SLC24A2: variants seen among roughly 807,000 people sequenced by gnomAD.
SLC24A2 encodes sodium/potassium/calcium exchanger 2.
In SLC24A2, 36 loss-of-function variants were observed where a neutral mutation model predicts 62.0. That is an observed-to-expected ratio of 0.58 (90% CI 0.44 to 0.77). The LOEUF (loss-of-function observed/expected upper bound fraction) is 0.77. Ranked by LOEUF, SLC24A2 falls within the 30% of genes least tolerant of loss-of-function variation. The pLI is 0.00. For missense variants in SLC24A2, 846 were observed against 817.9 expected (o/e 1.03, Z -0.42); for synonymous variants, 358 against 294.0 (o/e 1.22, Z -2.23).
At chr9:19,876,638 G>A in the SLC24A2 span, among the ~76,000 whole-genome samples, 1 of 152,132 alleles carries the variant, frequency 6.6e-6, no homozygotes, top group Admixed American at 6.5e-5. Flanking sequence ...AAAGCTTGTT[G>A]CTATGTTAAC....
the SLC24A2 span, among the ~76,000 whole-genome samples, chr9:20,159,066 T>C: frequency 6.6e-6 from 1 of 151,638 alleles, no homozygotes; most frequent in Non-Finnish European, 1.5e-5. Context: ...AAACAAAATA[T>C]GGCCACTGAG....
chr9:20,120,181 T>G, the SLC24A2 span, among the ~76,000 whole-genome samples: 4 of 152,332 alleles, frequency 2.6e-5, no homozygotes, highest in East Asian at 7.7e-4. Context: ...TCCACTGTTT[T>G]GAAAAATAGA....
At chr9:19,937,990 A>C in the SLC24A2 span, among the ~76,000 whole-genome samples, 2 of 152,246 alleles carry the variant, frequency 1.3e-5, no homozygotes, top group Non-Finnish European at 2.9e-5. Flanking sequence ...AAAACAGAAC[A>C]GTATAAAAAC....
intron 2 of SLC24A2, among the ~76,000 whole-genome samples, chr9:19,671,334 T>C (rs1211878641): frequency 3.9e-5 from 6 of 152,026 alleles, no homozygotes; most frequent in Non-Finnish European, 5.9e-5. Flanking sequence ...AGGGGTTGAG[T>C]TCTTGATTTG....
intron 1 of SLC24A2, chr9:19,788,470 G>A (rs1375193882): frequency 2.0e-6 from 2 of 980,860 alleles, no homozygotes; most frequent in Non-Finnish European, 2.4e-6. Flanking sequence ...TTTGCCTTGC[G>A]TGGTCCCAAA....
chr9:19,971,762 A>AATG, the SLC24A2 span, among the ~76,000 whole-genome samples: 18 of 151,918 alleles, frequency 1.2e-4, no homozygotes, highest in African/African-American at 3.1e-4. Flanking sequence ...TCACTTTGGT[A>AATG]ATGATGATGA....
At chr9:19,766,998 G>A (rs1822536626) in intron 2 of SLC24A2, among the ~76,000 whole-genome samples, 1 of 152,200 alleles carries the variant, frequency 6.6e-6, no homozygotes, top group African/African-American at 2.4e-5. Context: ...TGCCCAGAGA[G>A]GAGTAATATA....
chr9:19,923,442 C>G, the SLC24A2 span, among the ~76,000 whole-genome samples: 1 of 152,144 alleles, frequency 6.6e-6, no homozygotes, highest in African/African-American at 2.4e-5. Flanking sequence ...TGAGGAAAAG[C>G]AGCCACCCCT....
chr9:20,173,556 A>T, the SLC24A2 span, among the ~76,000 whole-genome samples: 1 of 152,128 alleles, frequency 6.6e-6, no homozygotes, highest in Admixed American at 6.6e-5. Context: ...CTGAGAATCA[A>T]ATTAAGAACT....
the SLC24A2 span, among the ~76,000 whole-genome samples, chr9:20,248,298 C>T: frequency 1.3e-5 from 2 of 152,198 alleles, no homozygotes; most frequent in Non-Finnish European, 2.9e-5. Flanking sequence ...AAGGCCCTAA[C>T]AGGTACTAAA....
chr9:19,565,978 A>G (rs1224305252), intron 7 of SLC24A2, among the ~76,000 whole-genome samples: 1 of 151,900 alleles, frequency 6.6e-6, no homozygotes, highest in Non-Finnish European at 1.5e-5. Flanking sequence ...GATGGATTAA[A>G]GACTTAAATG....
chr9:19,980,368 G>A, the SLC24A2 span, among the ~76,000 whole-genome samples: 2 of 152,182 alleles, frequency 1.3e-5, no homozygotes, highest in Non-Finnish European at 2.9e-5. Flanking sequence ...AAAGGTGACA[G>A]TGAAAAGCCA....
intron 2 of SLC24A2, among the ~76,000 whole-genome samples, chr9:19,655,521 T>A (rs984393298): frequency 6.6e-6 from 1 of 152,228 alleles, no homozygotes; most frequent in Non-Finnish European, 1.5e-5. Context: ...TGAGGACTCT[T>A]TGGAAAGTCT....
intron 2 of SLC24A2, among the ~76,000 whole-genome samples, chr9:19,779,528 A>G (rs1011052425): frequency 2.0e-5 from 3 of 152,202 alleles, no homozygotes; most frequent in Non-Finnish European, 4.4e-5. Context: ...AGTGAAATAA[A>G]ACTCTAAGTA....
At chr9:19,833,955 C>T in the SLC24A2 span, among the ~76,000 whole-genome samples, 1 of 152,192 alleles carries the variant, frequency 6.6e-6, no homozygotes, top group African/African-American at 2.4e-5. Context: ...TGCTGATACC[C>T]AGGCAAACAG....
the SLC24A2 span, among the ~76,000 whole-genome samples, chr9:20,074,607 A>AAGGGAGGG: frequency 6.5e-4 from 45 of 69,170 alleles, 2 homozygotes; most frequent in Non-Finnish European, 7.9e-4. Flanking sequence ...GGAAGGAAAG[A>AAGGGAGGG]AGGGAGTGAG....
the SLC24A2 span, among the ~76,000 whole-genome samples, chr9:20,180,389 G>C: frequency 3.7e-4 from 57 of 152,042 alleles, no homozygotes; most frequent in Non-Finnish European, 1.2e-4. Flanking sequence ...GAAATGGTGT[G>C]TCTGTTACCC....
chr9:19,636,322 T>TTC (rs376017966), intron 2 of SLC24A2, among the ~76,000 whole-genome samples: 4,649 of 29,130 alleles, frequency 0.16, 527 homozygotes, highest in African/African-American at 0.2. Context: ...TTCTTTTCTT[T>TTC]CTTTCTTTCT....
At chr9:19,731,686 G>C (rs909042011) in intron 2 of SLC24A2, among the ~76,000 whole-genome samples, 1 of 152,178 alleles carries the variant, frequency 6.6e-6, no homozygotes, top group African/African-American at 2.4e-5. Flanking sequence ...TGCCGTTTAA[G>C]CCACCCAGTC....
Sources: gnomAD v4.1 joint callset for allele counts (sites outside exome capture counted in the v4.1 genomes callset) on GRCh38, gnomAD v4.1.1 for gene constraint, MANE v1.5 for transcripts, NCBI Gene and HGNC (gene_info 2026-07-23, HGNC 2026-07-21) for gene names.